Variants in KIFAP3 observed in about 807,000 individuals in gnomAD.
The protein encoded by KIFAP3 is kinesin-associated protein 3.
A neutral mutation model predicts 106.5 loss-of-function variants in KIFAP3; 68 were observed. That is an observed-to-expected ratio of 0.64 (90% CI 0.53 to 0.78). The LOEUF (loss-of-function observed/expected upper bound fraction) is 0.78, where lower values mean the gene tolerates loss of function less well. Ranked by LOEUF, KIFAP3 falls within the 30% of genes least tolerant of loss-of-function variation. The pLI, the probability that KIFAP3 is intolerant of heterozygous loss-of-function variation, is 0.00. For missense variants in KIFAP3, 780 were observed against 941.8 expected, an observed-to-expected ratio of 0.83 and a Z score of 2.25; for synonymous variants, 320 against 311.5, an observed-to-expected ratio of 1.03 and a Z score of -0.29.
chr1:169,972,839 G>C (rs1220413562), intron 16 of KIFAP3, among the ~76,000 whole-genome samples: 1 of 151,448 alleles, frequency 6.6e-6, no homozygotes, highest in Admixed American at 6.6e-5. Flanking sequence ...GGAAAACAAA[G>C]TCAGTAAATC....
chr1:169,957,283 G>T (rs1379696685), intron 18 of KIFAP3, among the ~76,000 whole-genome samples: 1 of 152,038 alleles, frequency 6.6e-6, no homozygotes, highest in East Asian at 1.9e-4. Flanking sequence ...AAACACAGAT[G>T]ATATACACCA....
chr1:170,031,493 G>A (rs370516542), intron 8 of KIFAP3, among the ~76,000 whole-genome samples: 26 of 151,534 alleles, frequency 1.7e-4, no homozygotes, highest in Non-Finnish European at 3.4e-4. Context: ...TAGAGACAAG[G>A]AATTCTTTTC....
Position 169,983,346 on chromosome 1 carries a change from T to C in KIFAP3, c.1430A>G (p.Lys477Arg), listed in dbSNP as rs375539027. 52 of 1,609,296 alleles carry C rather than the reference T, an allele frequency of 3.2e-5. No individual in the cohort carries two copies. Among genetic ancestry groups the C allele is most frequent in the Non-Finnish European group, 4.0e-5 (47 of 1,177,688 alleles). The part of the protein sequence containing the change: ...GLKMLMKRAL[K>R]FKDPLLMKMI... ...TTTCATCAGCAATGGATCCTTAAAC[T>C]TCAGAGCCCTCTTCATGAGCATCTT... Residue 477 changes from lysine to arginine, a missense_variant, in exon 13 of 20, where the codon AAG (lysine) becomes AGG (arginine). Lys to Arg is a conservative substitution (Grantham distance 26, BLOSUM62 2). This residue lies in a region of KIFAP3 where 588 missense variants were observed against 678.9 expected (regional missense o/e 0.87). Transcript: ENST00000361580.
intron 7 of KIFAP3, 127 bp downstream of exon 7, chr1:170,034,245 T>C (rs1417141535): frequency 6.3e-6 from 5 of 797,022 alleles, no homozygotes; most frequent in Non-Finnish European, 1.0e-5. Context: ...AATAACACAC[T>C]CCTGCATTGT....
chr1:169,983,722 A>T (rs1358362693), intron 12 of KIFAP3, among the ~76,000 whole-genome samples: 1 of 151,928 alleles, frequency 6.6e-6, no homozygotes, highest in African/African-American at 2.4e-5. Flanking sequence ...TGTGCCTACA[A>T]TATCTACTAC....
At chr1:169,943,556 T>C (rs903636510) in intron 19 of KIFAP3, among the ~76,000 whole-genome samples, 1 of 152,300 alleles carries the variant, frequency 6.6e-6, no homozygotes, top group East Asian at 1.9e-4. Flanking sequence ...ACCAATTATA[T>C]ACAATTTTGT....
At position 170,016,522 on chromosome 1, in the gene KIFAP3, T is replaced by C. The variant is rs1321057180; in HGVS notation, c.1123A>G (p.Thr375Ala). ...TGTACCATCTTATTCCTCAGTCCTG[T>C]GTCAAAGGATAGGTTTAGTAAAAGT... ...LRLLLNLSFD[T>A]GLRNKMVQVG... The change falls in exon 10 of 20, where the codon ACA (threonine) becomes GCA (alanine). Residue 375 changes from threonine to alanine, a missense_variant. Physicochemically the swap from Thr to Ala is moderately conservative, Grantham distance 58 (BLOSUM62 0). Around this residue, in one of 3 missense-constraint regions of KIFAP3, gnomAD observed 588 missense variants for 678.9 expected, o/e 0.87. Transcript: ENST00000361580. 6.2e-7 allele frequency: 1 copy of C among 1,610,430 alleles called. No individual in the cohort carries two copies. The highest frequency in any genetic ancestry group is 1.1e-5 in the South Asian group (1 of 90,362).
chr1:169,982,890 A>T, intron 13 of KIFAP3, 23 bp from the exon 14 acceptor site: 1 of 1,188,496 alleles, frequency 8.4e-7, no homozygotes, highest in Non-Finnish European at 1.1e-6. Flanking sequence ...TAATTTTAAT[A>T]TAAATTTAAA....
intron 12 of KIFAP3, 115 bp downstream of exon 12, chr1:169,984,467 T>C: frequency 2.1e-6 from 1 of 472,778 alleles, no homozygotes; most frequent in Non-Finnish European, 3.8e-6. Flanking sequence ...AATGAAGAAA[T>C]TATTTGAAAA....
chr1:170,039,022 G>T (rs892047328), intron 4 of KIFAP3, among the ~76,000 whole-genome samples: 1 of 152,194 alleles, frequency 6.6e-6, no homozygotes, highest in African/African-American at 2.4e-5. Context: ...GGCGGAGGTT[G>T]TGGTGAGATG....
intron 19 of KIFAP3, among the ~76,000 whole-genome samples, chr1:169,944,169 AG>A (rs1383160205): frequency 1.5e-5 from 1 of 68,022 alleles, no homozygotes; most frequent in Non-Finnish European, 2.7e-5. Context: ...AGGGTTAGCC[AG>A]GTGTGGAGCG....
intron 17 of KIFAP3, among the ~76,000 whole-genome samples, chr1:169,962,050 G>C (rs2101865824): frequency 6.6e-6 from 1 of 152,258 alleles, no homozygotes; most frequent in South Asian, 2.1e-4. Context: ...ATATTTTGCT[G>C]TATCTTTTAG....
intron 17 of KIFAP3, among the ~76,000 whole-genome samples, chr1:169,962,142 T>C (rs2101866134): frequency 6.6e-6 from 1 of 151,976 alleles, no homozygotes; most frequent in African/African-American, 2.4e-5. Context: ...AATATCAGAA[T>C]TGAATTTAAT....
At chr1:169,962,080 A>G (rs1665369485) in intron 17 of KIFAP3, among the ~76,000 whole-genome samples, 1 of 152,210 alleles carries the variant, frequency 6.6e-6, no homozygotes, top group Non-Finnish European at 1.5e-5. Flanking sequence ...CACTGGGGGA[A>G]GTACTGTTAA....
intron 1 of KIFAP3, among the ~76,000 whole-genome samples, chr1:170,062,209 T>C (rs1220151619): frequency 9.2e-6 from 1 of 108,454 alleles, no homozygotes; most frequent in Non-Finnish European, 1.8e-5. Flanking sequence ...CACAATGAGA[T>C]ACCATCAAAA....
intron 8 of KIFAP3, among the ~76,000 whole-genome samples, chr1:170,026,597 AC>A (rs1443060343): frequency 2.0e-5 from 3 of 152,240 alleles, no homozygotes; most frequent in African/African-American, 7.2e-5. Flanking sequence ...AGAAAAGAGT[AC>A]TGAAGAAGAA....
chr1:169,952,922 T>C (rs572401223), intron 19 of KIFAP3, among the ~76,000 whole-genome samples: 1 of 152,234 alleles, frequency 6.6e-6, no homozygotes, highest in South Asian at 2.1e-4. Context: ...AACTGTATTG[T>C]TCATTTAAAA....
At chr1:169,975,503 T>C (rs1666177067) in intron 16 of KIFAP3, among the ~76,000 whole-genome samples, 1 of 152,140 alleles carries the variant, frequency 6.6e-6, no homozygotes, top group Non-Finnish European at 1.5e-5. Flanking sequence ...AAATAAAATA[T>C]TGCAATAATT....
Position 170,074,293 on chromosome 1 carries a change from T to C in KIFAP3, c.32+143A>G, listed in dbSNP as rs142653133. On this transcript the variant is annotated intron_variant, in intron 1 of 19. Transcript: ENST00000361580. The stretch of plus-strand genomic sequence containing the variant: ...CTCCTTTTTTCTCCACTTCACCTTT[T>C]CCCTCTCCTTTCGGTGACTTCTCTC... 2.7e-5 allele frequency: 27 copies of C among 988,774 alleles called. No individual in the cohort carries two copies. In the African/African-American group the frequency reaches 3.7e-4, roughly 14 times the overall value. 61.3% of individuals were successfully genotyped at this position (988,774 alleles called of 1,614,324 possible).
Sources: gnomAD v4.1 joint callset for allele counts (sites outside exome capture counted in the v4.1 genomes callset) on GRCh38, gnomAD v4.1.1 for gene constraint, gnomAD v4.1.1 regional missense constraint, MANE v1.5 for transcripts, NCBI Gene and HGNC (gene_info 2026-07-23, HGNC 2026-07-21) for gene names.